Variants in CD2AP observed in about 807,000 individuals in gnomAD.
CD2AP encodes CD2 associated protein, also known as CD2-associated protein.
CD2AP carries 46 observed loss-of-function variants against 85.1 expected under a neutral mutation model. The ratio of observed to expected loss-of-function variants is 0.54; its 90% CI spans 0.43 to 0.69. CD2AP has a LOEUF of 0.69. CD2AP is among the 30% of genes least tolerant of loss of function. The pLI, the probability that CD2AP is intolerant of heterozygous loss-of-function variation, is 0.00. For synonymous variants in CD2AP, 255 were observed against 252.9 expected, an observed-to-expected ratio of 1.01 and a Z score of -0.08; for missense variants, 769 against 729.5, an observed-to-expected ratio of 1.05 and a Z score of -0.62.
chr6:47,495,576 T>C, intron 1 of CD2AP, among the ~76,000 whole-genome samples: 1 of 152,202 alleles, frequency 6.6e-6, no homozygotes, highest in East Asian at 1.9e-4. Flanking sequence ...GCTTCTACTC[T>C]AGGTAATAAA....
intron 4 of CD2AP, among the ~76,000 whole-genome samples, chr6:47,547,488 A>C (rs921932054): frequency 6.6e-6 from 1 of 151,758 alleles, no homozygotes; most frequent in African/African-American, 2.4e-5. Context: ...TCACAATTCT[A>C]TATATATATA....
Position 47,584,560 on chromosome 6 carries a change from A to G in CD2AP, c.1108+2495A>G, listed in dbSNP as rs528018610. ...CTGACCCCCCGATTACATTTTTGAT[A>G]TCATCTTCCACCCTTTTTGTTTACT... On this transcript the variant is annotated intron_variant, in intron 11 of 17. Coordinates refer to ENST00000359314, the MANE Select transcript of CD2AP (RefSeq NM_012120.3). 4.6e-5 allele frequency among the ~76,000 whole-genome samples: 7 copies of G among 152,160 alleles called. No individual in the cohort carries two copies. In the East Asian group the frequency reaches 1.4e-3, roughly 29 times the overall value.
In CD2AP at chr6:47,575,177, G is replaced by T. The variant is rs569204980; in HGVS notation, c.729+926G>T. On this transcript the variant is annotated intron_variant, in intron 6 of 17. Coordinates refer to ENST00000359314, the MANE Select transcript of CD2AP (RefSeq NM_012120.3). ...TCTGAGACTATCTGGCATTAGGATT[G>T]TGGGGTCAAATTGATTCTTGGTTTT... is the stretch of plus-strand genomic sequence containing the variant. 2.0e-5 allele frequency among the ~76,000 whole-genome samples: 3 copies of T among 152,224 alleles called. No individual in the cohort carries two copies. In the South Asian group the frequency reaches 6.2e-4, roughly 32 times the overall value.
intron 3 of CD2AP, among the ~76,000 whole-genome samples, chr6:47,535,771 A>G (rs1371794454): frequency 2.0e-5 from 3 of 152,212 alleles, no homozygotes; most frequent in Non-Finnish European, 4.4e-5. Flanking sequence ...ACCTCTATAT[A>G]GAATGTCTGT....
At chr6:47,567,842 A>G (rs1033394582) in intron 5 of CD2AP, among the ~76,000 whole-genome samples, 1 of 152,232 alleles carries the variant, frequency 6.6e-6, no homozygotes, top group Non-Finnish European at 1.5e-5. Context: ...ATCAAATCAC[A>G]GAGAAGCCAT....
rs60486147 is a variant in CD2AP at position 47,624,679 on chromosome 6, CTGTGTGTGTGTGTGTGTGTGTGTGTG to C, written c.*470_*495del. On this transcript the variant is annotated 3_prime_UTR_variant, in exon 18 of 18. Transcript: ENST00000359314. The stretch of plus-strand genomic sequence containing the variant: ...CCATAATGCATAAGGGATATAAACT[CTGTGTGTGTGTGTGTGTGTGTGTGTG>C]TGTGTGTGTGTGTGTGTATATATAT... 1 of 121,460 alleles carries C rather than the reference CTGTGTGTGTGTGTGTGTGTGTGTGTG, an allele frequency of 8.2e-6. No homozygotes were observed. The highest frequency in any genetic ancestry group is 1.6e-5 in the Non-Finnish European group (1 of 63,014). The allele number at this position is 121,460 out of a possible 1,614,324, so 7.5% of individuals were successfully genotyped here. A position where few individuals can be genotyped will look rare whatever the true frequency, so the allele number is the denominator to read the frequency against.
chr6:47,589,551 T>TACACAC (rs112763182), intron 11 of CD2AP, among the ~76,000 whole-genome samples: 33 of 130,888 alleles, frequency 2.5e-4, no homozygotes, highest in Non-Finnish European at 3.0e-4. Context: ...CACATATATA[T>TACACAC]ACACACACAC....
intron 1 of CD2AP, among the ~76,000 whole-genome samples, chr6:47,489,817 T>C (rs1765677898): frequency 1.3e-5 from 2 of 152,150 alleles, no homozygotes; most frequent in Admixed American, 6.5e-5. Flanking sequence ...CTTAAAACAT[T>C]TTGAGAAGGA....
At chr6:47,548,770 A>G (rs1767436225) in intron 4 of CD2AP, among the ~76,000 whole-genome samples, 1 of 152,170 alleles carries the variant, frequency 6.6e-6, no homozygotes. Context: ...CTACAGACCA[A>G]TATTCCTGAT....
chr6:47,624,540 A>G lies in CD2AP; in HGVS notation c.*313A>G. The G allele has an allele frequency of 3.3e-6, 1 of 304,314 alleles. No individual in the cohort carries two copies. Among genetic ancestry groups the G allele is most frequent in the South Asian group, 4.6e-5 (1 of 21,938 alleles). 18.9% of individuals were successfully genotyped at this position (304,314 alleles called of 1,614,324 possible). On this transcript the variant is annotated 3_prime_UTR_variant, in exon 18 of 18. Transcript: ENST00000359314. ...TAGTTTTTTTATTGAAACTTGTATT[A>G]TTTTTAAAGAGATCTATACTATAAA... is the stretch of plus-strand genomic sequence containing the variant.
At chr6:47,565,764 C>T (rs1318074769) in intron 5 of CD2AP, among the ~76,000 whole-genome samples, 7 of 152,132 alleles carry the variant, frequency 4.6e-5, no homozygotes, top group Non-Finnish European at 8.8e-5. Flanking sequence ...CCTTCACTGC[C>T]GCTATCCTGG....
chr6:47,610,972 T>TATATATATA lies in CD2AP; in HGVS notation c.1815-1501_1815-1500insATATATATA, dbSNP rs1491427733. On this transcript the variant is annotated intron_variant, in intron 16 of 17. Transcript: ENST00000359314. ...ATTTATATATATATATATATATGTA[T>TATATATATA]TTTTTTTTTTTTTTGAATATAAAAC... 2.4e-3 allele frequency among the ~76,000 whole-genome samples: 133 copies of TATATATATA among 56,312 alleles called. 2 individuals carry two copies. Among genetic ancestry groups the TATATATATA allele is most frequent in the African/African-American group, 3.6e-3 (43 of 12,108 alleles). The allele number at this position is 56,312 out of a possible 152,430, so 36.9% of individuals were successfully genotyped here. A position where few individuals can be genotyped will look rare whatever the true frequency, so the allele number is the denominator to read the frequency against.
chr6:47,537,373 A>C (rs1767079836), intron 3 of CD2AP, among the ~76,000 whole-genome samples: 3 of 152,118 alleles, frequency 2.0e-5, no homozygotes, highest in African/African-American at 7.2e-5. Flanking sequence ...TAAGGAGAAA[A>C]AGACTCACTC....
intron 16 of CD2AP, among the ~76,000 whole-genome samples, chr6:47,611,487 T>C (rs540794209): frequency 1.3e-5 from 2 of 152,076 alleles, no homozygotes; most frequent in East Asian, 1.9e-4. Flanking sequence ...TTTACTCTTA[T>C]AATAGTAGAT....
At position 47,563,755 on chromosome 6, in the gene CD2AP, G is replaced by T. The variant is rs1056700862; in HGVS notation, c.541+8989G>T. On this transcript the variant is annotated intron_variant, in intron 5 of 17. Coordinates refer to ENST00000359314, the MANE Select transcript of CD2AP (RefSeq NM_012120.3). ...CGTGCTACAAAGTAATGAAAAAAGC[G>T]TGAGCTCCCTGGCTGTTTAATGTGA... 2.0e-5 allele frequency among the ~76,000 whole-genome samples: 3 copies of T among 152,122 alleles called. No homozygotes were observed. The East Asian group carries it at 5.8e-4, about 29-fold the overall frequency.
chr6:47,530,955 C>T (rs527521534), intron 2 of CD2AP, among the ~76,000 whole-genome samples: 6 of 152,050 alleles, frequency 3.9e-5, no homozygotes, highest in Admixed American at 1.3e-4. Flanking sequence ...TATAACTGAA[C>T]GTTATTTTAA....
rs947414914 is a variant in CD2AP, at chr6:47,624,264, T to C, written c.*37T>C. The C allele has an allele frequency of 1.4e-5, 21 of 1,554,958 alleles. No homozygotes were observed. Among genetic ancestry groups the C allele is most frequent in the Non-Finnish European group, 1.8e-5 (20 of 1,126,774 alleles). On this transcript the variant is annotated 3_prime_UTR_variant, in exon 18 of 18. Coordinates refer to ENST00000359314, the MANE Select transcript of CD2AP (RefSeq NM_012120.3). ...CTGGTGTTCATAATGTTCCAGGGAT[T>C]CAGAAGCAACGCTATGAACTTCAGC... is the stretch of plus-strand genomic sequence containing the variant.
intron 2 of CD2AP, among the ~76,000 whole-genome samples, chr6:47,527,856 C>T (rs1278429179): frequency 6.6e-6 from 1 of 152,142 alleles, no homozygotes; most frequent in Non-Finnish European, 1.5e-5. Context: ...CATGGGAGTT[C>T]AGAGTCAAGA....
intron 13 of CD2AP, among the ~76,000 whole-genome samples, chr6:47,604,286 G>T (rs1023649590): frequency 6.6e-6 from 1 of 151,920 alleles, no homozygotes; most frequent in Non-Finnish European, 1.5e-5. Flanking sequence ...TCCAAAATGT[G>T]CACTGTTCCA....
Sources: allele counts gnomAD v4.1 joint callset (sites outside exome capture counted in the v4.1 genomes callset), GRCh38; gene constraint gnomAD v4.1.1; transcripts MANE v1.5; gene names NCBI Gene and HGNC (gene_info 2026-07-23, HGNC 2026-07-21).